DYNC2I1: variants seen among roughly 807,000 people sequenced by gnomAD.
DYNC2I1 encodes cytoplasmic dynein 2 intermediate chain 1.
Under a neutral mutation model 133.4 loss-of-function variants are expected in DYNC2I1, and 89 were observed. The ratio of observed to expected loss-of-function variants is 0.67; its 90% CI spans 0.56 to 0.80. The LOEUF (loss-of-function observed/expected upper bound fraction) is 0.80, where lower values mean the gene tolerates loss of function less well. Among genes scored for constraint, DYNC2I1 ranks in the 30% least tolerant of loss-of-function variants. The probability of loss-of-function intolerance (pLI) is 0.00; values close to 1 mark genes in which losing one functional copy is unlikely to be tolerated. For synonymous variants in DYNC2I1, 504 were observed against 484.3 expected (o/e 1.04, Z -0.54); for missense variants, 1,291 against 1,314.5 (o/e 0.98, Z 0.28).
intron 23 of DYNC2I1, among the ~76,000 whole-genome samples, chr7:158,937,640 C>G (rs1226278179): frequency 1.6e-5 from 1 of 62,260 alleles, no homozygotes; most frequent in African/African-American, 5.5e-5. Flanking sequence ...AAAAAAGACA[C>G]AAGGCTGGGT....
intron 8 of DYNC2I1, among the ~76,000 whole-genome samples, chr7:158,893,902 T>G (rs1409908214): frequency 6.6e-6 from 1 of 151,834 alleles, no homozygotes; most frequent in African/African-American, 2.4e-5. Context: ...ACACTACATA[T>G]CATACCGCAT....
At chr7:158,882,373 C>T (rs997835055) in intron 5 of DYNC2I1, among the ~76,000 whole-genome samples, 3 of 151,998 alleles carry the variant, frequency 2.0e-5, no homozygotes, top group Admixed American at 2.0e-4. Flanking sequence ...CTGTTGAGCC[C>T]AGGAGTTCAA....
intron 24 of DYNC2I1, among the ~76,000 whole-genome samples, chr7:158,943,328 G>A (rs1167616138): frequency 6.6e-6 from 1 of 152,158 alleles, no homozygotes; most frequent in Non-Finnish European, 1.5e-5. Context: ...ACCCAGCACC[G>A]ACTGTGTGCC....
chr7:158,915,170 G>A (rs1174686843), intron 14 of DYNC2I1, among the ~76,000 whole-genome samples: 2 of 151,808 alleles, frequency 1.3e-5, no homozygotes, highest in African/African-American at 4.9e-5. Context: ...TCAACACGCT[G>A]GTTGACAGGA....
At chr7:158,912,595 C>T (rs1847596862) in intron 12 of DYNC2I1, among the ~76,000 whole-genome samples, 1 of 152,160 alleles carries the variant, frequency 6.6e-6, no homozygotes, top group Non-Finnish European at 1.5e-5. Flanking sequence ...CTGATTCACT[C>T]TGACCTTAAG....
At chr7:158,906,468 A>T (rs926370558) in intron 11 of DYNC2I1, among the ~76,000 whole-genome samples, 1 of 152,050 alleles carries the variant, frequency 6.6e-6, no homozygotes, top group Non-Finnish European at 1.5e-5. Context: ...TTATTTATTT[A>T]TTTTTTTGAG....
At position 158,906,003 on chromosome 7, in the gene DYNC2I1, C is replaced by A; in HGVS notation, c.1372C>A (p.Pro458Thr). ...KEPRTDTNSS[P>T]SRASVCGIFV... ...CCCTCACACAGATACAAACAGTTCC[C>A]CTTCCAGAGCCTCTGTTTGTGGAAT... The change falls in exon 11 of 25, where the codon CCT becomes ACT. Residue 458 changes from proline to threonine, a missense_variant. Coordinates refer to ENST00000407559, the MANE Select transcript of DYNC2I1 (RefSeq NM_018051.5). 1 of 1,613,688 alleles carries A rather than the reference C, an allele frequency of 6.2e-7. No homozygotes were observed.
At chr7:158,920,151 C>T (rs749511779) in intron 15 of DYNC2I1, among the ~76,000 whole-genome samples, 3 of 151,078 alleles carry the variant, frequency 2.0e-5, no homozygotes, top group Non-Finnish European at 4.4e-5. Flanking sequence ...CGTCAGAGAA[C>T]ATGTGAAGTG....
At chr7:158,884,520 G>C (rs774342209) in intron 5 of DYNC2I1, 44 bp from the exon 6 acceptor site, 1 of 1,575,048 alleles carries the variant, frequency 6.3e-7, no homozygotes, top group African/African-American at 1.4e-5. Flanking sequence ...ACTTCATTCC[G>C]ATATGCTAAT....
At chr7:158,891,405 C>G (rs964449939) in intron 8 of DYNC2I1, 72 bp downstream of exon 8, 1 of 1,555,656 alleles carries the variant, frequency 6.4e-7, no homozygotes, top group African/African-American at 1.4e-5. Flanking sequence ...TGCTTGCTTT[C>G]CTGTCAGCAT....
At chr7:158,876,262 C>T (rs1484211423) in intron 3 of DYNC2I1, among the ~76,000 whole-genome samples, 1 of 152,088 alleles carries the variant, frequency 6.6e-6, no homozygotes, top group Non-Finnish European at 1.5e-5. Flanking sequence ...AGAACTCACT[C>T]AGTATCACAA....
rs757064778 is a variant in DYNC2I1, at chr7:158,923,712, C to T, written c.2236C>T (p.Arg746Trp). The T allele has an allele frequency of 3.3e-5, 53 of 1,611,566 alleles. No homozygotes were observed. Among genetic ancestry groups the T allele is most frequent in the East Asian group, 4.5e-5 (2 of 44,824 alleles). The change falls in exon 17 of 25, where the codon CGG becomes TGG. Residue 746 changes from arginine (R) to tryptophan (W), a missense_variant. Coordinates refer to ENST00000407559, the MANE Select transcript of DYNC2I1 (RefSeq NM_018051.5). ...VTLSDGFWTF[R>W]TATFSTDGIL... ...GCTGAGCGATGGCTTCTGGACGTTC[C>T]GGACCGCCACGTTTTCCACCGGTCA...
chr7:158,922,202 G>C (rs1189980386), intron 15 of DYNC2I1, among the ~76,000 whole-genome samples, 175 bp from the exon 16 acceptor site: 1 of 152,178 alleles, frequency 6.6e-6, no homozygotes, highest in Admixed American at 6.5e-5. Flanking sequence ...ACAGAGTGTT[G>C]GGGCATAGGC....
intron 23 of DYNC2I1, among the ~76,000 whole-genome samples, chr7:158,935,033 A>G (rs1201073049): frequency 6.6e-6 from 1 of 152,294 alleles, no homozygotes; most frequent in Non-Finnish European, 1.5e-5. Flanking sequence ...AACTAGTTAG[A>G]ATTTAACAGA....
At position 158,927,029 on chromosome 7, in the gene DYNC2I1, C is replaced by T. The variant is rs764056691; in HGVS notation, c.2471C>T (p.Ser824Leu). The T allele has an allele frequency of 1.9e-6, 3 of 1,602,004 alleles. No individual in the cohort carries two copies. The highest frequency in any genetic ancestry group is 1.7e-6 in the Non-Finnish European group (2 of 1,173,604). ...TTACCAAAGGCAGACATCGCAGGTT[C>T]AATAAGTGATTTAGGTAACTATTAA... ...VELPKADIAG[S>L]ISDLGLMPGG... Residue 824 changes from serine (S) to leucine (L), a missense_variant, in exon 20 of 25, where the codon TCA (serine) becomes TTA (leucine). Physicochemically the swap from Ser to Leu is moderately radical, Grantham distance 145. Coordinates refer to ENST00000407559, the MANE Select transcript of DYNC2I1 (RefSeq NM_018051.5).
chr7:158,944,197 C>T (rs946010260), intron 24 of DYNC2I1, among the ~76,000 whole-genome samples: 3 of 152,116 alleles, frequency 2.0e-5, no homozygotes, highest in African/African-American at 7.2e-5. Flanking sequence ...CAGGCAGGGC[C>T]CTCAGGGCCA....
chr7:158,902,702 C>A, intron 10 of DYNC2I1, 107 bp downstream of exon 10: 2 of 1,007,702 alleles, frequency 2.0e-6, no homozygotes, highest in Non-Finnish European at 3.0e-6. Flanking sequence ...GTGGGTGGAG[C>A]AGTAACATCT....
intron 1 of DYNC2I1, among the ~76,000 whole-genome samples, chr7:158,866,331 G>C (rs553583998): frequency 0.013 from 1,955 of 151,532 alleles, 19 homozygotes; most frequent in South Asian, 0.035. Flanking sequence ...TCCCTTCTTT[G>C]TGGTGCCCAT....
intron 24 of DYNC2I1, among the ~76,000 whole-genome samples, chr7:158,944,758 C>G (rs1379436271): frequency 6.6e-6 from 1 of 152,176 alleles, no homozygotes; most frequent in Non-Finnish European, 1.5e-5. Flanking sequence ...GGTGATGGCA[C>G]CAAGTTGGAT....
Sources: gnomAD v4.1 joint callset for allele counts (sites outside exome capture counted in the v4.1 genomes callset) on GRCh38, gnomAD v4.1.1 for gene constraint, MANE v1.5 for transcripts, NCBI Gene and HGNC (gene_info 2026-07-23, HGNC 2026-07-21) for gene names.